MN1: variants seen among roughly 807,000 people sequenced by gnomAD.
MN1 encodes the protein transcriptional activator MN1.
Under a neutral mutation model 86.9 loss-of-function variants are expected in MN1, and 19 were observed. That is an observed-to-expected ratio of 0.22 (90% confidence interval 0.15 to 0.32). The LOEUF (loss-of-function observed/expected upper bound fraction) is 0.32, where lower values mean the gene tolerates loss of function less well. Ranked by LOEUF, MN1 falls within the 10% of genes least tolerant of loss-of-function variation. MN1 has a pLI of 1.00. For synonymous variants in MN1, 928 were observed against 849.6 expected (o/e 1.09, Z -1.60); for missense variants, 1,841 against 1,862.0 (o/e 0.99, Z 0.21).
rs1479210738 is a variant in MN1 at position 27,799,553 on chromosome 22, C to T, written c.991G>A (p.Val331Met). The change falls in exon 1 of 2, where the codon GTG becomes ATG. Residue 331 changes from valine (V) to methionine (M), a missense_variant. Transcript: ENST00000302326. ...RKMPVGLEPSVGSRHPLMQPP... is the reference protein window; with the variant it reads ...RKMPVGLEPSMGSRHPLMQPP... ...TGCATTAACGGGTGCCTGGAGCCCA[C>T]TGAGGGCTCCAGACCCACAGGCATC... The T allele has an allele frequency of 6.1e-6, 9 of 1,468,636 alleles. No homozygotes were observed. Among genetic ancestry groups the T allele is most frequent in the African/African-American group, 1.4e-5 (1 of 70,096 alleles). 91.0% of individuals were successfully genotyped at this position (1,468,636 alleles called of 1,614,324 possible). A position where few individuals can be genotyped will look rare whatever the true frequency, so the allele number is the denominator to read the frequency against.
chr22:27,773,225 G>A (rs1436489047), intron 1 of MN1, among the ~76,000 whole-genome samples: 3 of 152,070 alleles, frequency 2.0e-5, no homozygotes, highest in Non-Finnish European at 4.4e-5. Context: ...CGAGGCCCAA[G>A]GGGGGTCTGG....
At chr22:27,754,281 C>T (rs1260726788) in intron 1 of MN1, among the ~76,000 whole-genome samples, 2 of 152,202 alleles carry the variant, frequency 1.3e-5, no homozygotes, top group Non-Finnish European at 2.9e-5. Flanking sequence ...CGCCAGAAAC[C>T]ATTGCTGTTC....
At chr22:27,785,056 CCACA>C (rs57257445) in intron 1 of MN1, among the ~76,000 whole-genome samples, 42,616 of 144,694 alleles carry the variant, frequency 0.29, 6,626 homozygotes, top group Non-Finnish European at 0.35. Context: ...CTGGCATCCG[CCACA>C]CACACACACA....
At position 27,798,662 on chromosome 22, in the gene MN1, C is replaced by A; in HGVS notation, c.1882G>T (p.Glu628Ter). The A allele has an allele frequency of 6.4e-7, 1 of 1,553,186 alleles. No individual in the cohort carries two copies. The highest frequency in any genetic ancestry group is 8.6e-7 in the Non-Finnish European group (1 of 1,158,018). The stretch of plus-strand genomic sequence containing the variant: ...TGCGGACCTGAGAACCACGCGCTCT[C>A]TTGCGCCAAGTGCGGCGCCTGCTGC... ...FEQQAPHLAQ[E>*]SAWFSGPHPP... Residue 628 changes from glutamate (E) to a stop codon, truncating the protein, a stop_gained, in exon 1 of 2, where the codon GAG becomes TAG. Coordinates refer to ENST00000302326, the MANE Select transcript of MN1 (RefSeq NM_002430.3). LOFTEE classifies it high-confidence loss of function.
At position 27,798,151 on chromosome 22, in the gene MN1, G is replaced by A; in HGVS notation, c.2393C>T (p.Ser798Leu). 1 of 1,593,436 alleles carries A rather than the reference G, an allele frequency of 6.3e-7. No homozygotes were observed. The highest frequency in any genetic ancestry group is 8.5e-7 in the Non-Finnish European group (1 of 1,174,126). The change falls in exon 1 of 2, where the codon TCG becomes TTG. Residue 798 changes from serine (S) to leucine (L), a missense_variant. Transcript: ENST00000302326. Reference sequence around the variant, plus strand: ...CGAGAGCGCGCCCAATTTACTGGCCGAGGTGCGCTGGCTGGGCTGGAAATC... The same window carrying A: ...CGAGAGCGCGCCCAATTTACTGGCCAAGGTGCGCTGGCTGGGCTGGAAATC... ...QPDFQPSQRT[S>L]ASKLGALSLG...
chr22:27,754,051 G>A (rs1391031015), intron 1 of MN1, among the ~76,000 whole-genome samples: 1 of 152,136 alleles, frequency 6.6e-6, no homozygotes, highest in Admixed American at 6.5e-5. Context: ...CTTTACAGAT[G>A]AGGAAACAAA....
intron 1 of MN1, among the ~76,000 whole-genome samples, chr22:27,755,707 C>G (rs1345314166): frequency 4.6e-5 from 7 of 152,180 alleles, no homozygotes; most frequent in Non-Finnish European, 1.0e-4. Flanking sequence ...CAGTCTGCCC[C>G]CTGCTCACCC....
At chr22:27,760,666 G>A (rs1428631447) in intron 1 of MN1, among the ~76,000 whole-genome samples, 2 of 152,128 alleles carry the variant, frequency 1.3e-5, no homozygotes, top group South Asian at 2.1e-4. Context: ...AACAGCCTGC[G>A]TGACACTCTA....
At chr22:27,776,917 C>T (rs1428352070) in intron 1 of MN1, among the ~76,000 whole-genome samples, 1 of 151,948 alleles carries the variant, frequency 6.6e-6, no homozygotes, top group African/African-American at 2.4e-5. Context: ...GAGGGGGAGC[C>T]GGTGGGGGAG....
In MN1 at chr22:27,797,688, G is replaced by A. The variant is rs781577449; in HGVS notation, c.2856C>T (p.His952=). The A allele has an allele frequency of 1.3e-4, 217 of 1,608,602 alleles. No individual in the cohort carries two copies. Among genetic ancestry groups the A allele is most frequent in the Non-Finnish European group, 1.8e-4 (211 of 1,178,162 alleles). ...GRGRRKRDSG[H]VSPGTFFDKY... ...TGTCAAAGAAGGTGCCAGGGCTCAC[G>A]TGACCACTGTCCCTTTTTCTGCGAC... The change falls in exon 1 of 2, where the codon CAC becomes CAT. Residue 952 remains histidine (H), a synonymous_variant. Transcript: ENST00000302326.
intron 1 of MN1, among the ~76,000 whole-genome samples, chr22:27,787,930 G>A (rs1260336468): frequency 6.6e-6 from 1 of 152,154 alleles, no homozygotes; most frequent in African/African-American, 2.4e-5. Flanking sequence ...GTCTCAGGCT[G>A]GGTCCTCCGG....
At chr22:27,767,775 T>G (rs45470606) in intron 1 of MN1, among the ~76,000 whole-genome samples, 1 of 152,068 alleles carries the variant, frequency 6.6e-6, no homozygotes, top group East Asian at 1.9e-4. Flanking sequence ...GGTTAAGGGT[T>G]TGGGGGGTTT....
At chr22:27,760,942 A>G (rs1932830501) in intron 1 of MN1, among the ~76,000 whole-genome samples, 1 of 152,160 alleles carries the variant, frequency 6.6e-6, no homozygotes. Flanking sequence ...AGAGGGAGAG[A>G]TGGCCCGACA....
chr22:27,796,528 T>C (rs1933297785), intron 1 of MN1, among the ~76,000 whole-genome samples: 2 of 135,902 alleles, frequency 1.5e-5, no homozygotes, highest in South Asian at 2.4e-4. Context: ...TTTGCCACCC[T>C]GTGGCACTAG....
At chr22:27,764,834 T>G (rs1932857635) in intron 1 of MN1, among the ~76,000 whole-genome samples, 1 of 152,200 alleles carries the variant, frequency 6.6e-6, no homozygotes, top group Admixed American at 6.5e-5. Flanking sequence ...ATTCTCCTAG[T>G]CCCATTTCTC....
At chr22:27,783,694 A>G (rs1933084057) in intron 1 of MN1, among the ~76,000 whole-genome samples, 1 of 152,160 alleles carries the variant, frequency 6.6e-6, no homozygotes. Flanking sequence ...GGCACAAAAA[A>G]CAGGAGAAGG....
In MN1 at chr22:27,799,881, C is replaced by T. The variant is rs1601347057; in HGVS notation, c.663G>A (p.Arg221=). 1 of 1,603,150 alleles carries T rather than the reference C, an allele frequency of 6.2e-7. No individual in the cohort carries two copies. Among genetic ancestry groups the T allele is most frequent in the Non-Finnish European group, 8.5e-7 (1 of 1,176,258 alleles). Residue 221 remains arginine (R), a synonymous_variant, in exon 1 of 2, where the codon AGG becomes AGA. Coordinates refer to ENST00000302326, the MANE Select transcript of MN1 (RefSeq NM_002430.3). ...AGTCGACGGCTCCTTGGTTCGTCAC[C>T]CTCCGTGGCTCCAGACTGTGGGAAT... is the stretch of plus-strand genomic sequence containing the variant. The part of the protein sequence containing the change: ...GSDSHSLEPR[R]VTNQGAVDSL...
At chr22:27,770,697 C>T (rs1165075578) in intron 1 of MN1, among the ~76,000 whole-genome samples, 1 of 143,884 alleles carries the variant, frequency 7.0e-6, no homozygotes, top group Non-Finnish European at 1.5e-5. Context: ...CTCACCTTGT[C>T]ACCCTGGCTG....
intron 1 of MN1, among the ~76,000 whole-genome samples, chr22:27,765,017 C>T (rs1448854044): frequency 6.6e-6 from 1 of 152,174 alleles, no homozygotes; most frequent in Non-Finnish European, 1.5e-5. Context: ...GCAGAGTTCT[C>T]CAGAGAAATG....
Sources: allele counts gnomAD v4.1 joint callset (sites outside exome capture counted in the v4.1 genomes callset), GRCh38; gene constraint gnomAD v4.1.1; transcripts MANE v1.5; gene names NCBI Gene and HGNC (gene_info 2026-07-23, HGNC 2026-07-21).